Variants in PAPPA observed in about 807,000 individuals in gnomAD.
PAPPA encodes pappalysin-1.
PAPPA carries 60 observed loss-of-function variants against 164.0 expected under a neutral mutation model. The observed-to-expected ratio is 0.37, with a 90% CI of 0.30 to 0.45. PAPPA has a LOEUF of 0.45. Ranked by LOEUF, PAPPA falls within the 20% of genes least tolerant of loss-of-function variation. PAPPA has a pLI of 1.00. For missense variants in PAPPA, 1,782 were observed against 2,087.3 expected, an observed-to-expected ratio of 0.85 and a Z score of 2.85; for synonymous variants, 875 against 814.1, an observed-to-expected ratio of 1.07 and a Z score of -1.27.
intron 7 of PAPPA, 90 bp downstream of exon 7, chr9:116,235,727 G>A: frequency 8.1e-7 from 1 of 1,229,546 alleles, no homozygotes; most frequent in Non-Finnish European, 1.2e-6. Flanking sequence ...CAGGGGGAAG[G>A]TTCATCACAG....
chr9:116,238,043 A>G (rs765042105), intron 7 of PAPPA, among the ~76,000 whole-genome samples: 6 of 152,138 alleles, frequency 3.9e-5, no homozygotes, highest in Non-Finnish European at 8.8e-5. Context: ...TGGATTGCAC[A>G]TTTAAAAACT....
chr9:116,196,459 C>A (rs1301937652), intron 2 of PAPPA, among the ~76,000 whole-genome samples: 1 of 152,220 alleles, frequency 6.6e-6, no homozygotes, highest in African/African-American at 2.4e-5. Context: ...GGTTAGGAAA[C>A]AAAGCCGTTG....
chr9:116,289,386 GTA>G (rs2118863750), intron 9 of PAPPA, among the ~76,000 whole-genome samples: 1 of 47,996 alleles, frequency 2.1e-5, no homozygotes, highest in Non-Finnish European at 4.6e-5. Context: ...TATAGCATAT[GTA>G]TATATAGCTA....
chr9:116,178,081 A>G (rs1180683368), intron 1 of PAPPA, among the ~76,000 whole-genome samples: 1 of 152,184 alleles, frequency 6.6e-6, no homozygotes, highest in East Asian at 1.9e-4. Context: ...CTGAAAAAGA[A>G]GGAAAGATAT....
intron 15 of PAPPA, among the ~76,000 whole-genome samples, chr9:116,349,754 C>A (rs1588015504): frequency 6.6e-6 from 1 of 152,198 alleles, no homozygotes; most frequent in East Asian, 1.9e-4. Flanking sequence ...AACAAGTGAA[C>A]TTACAGGGTC....
chr9:116,344,068 G>A (rs1375319237), intron 13 of PAPPA, among the ~76,000 whole-genome samples: 1 of 152,126 alleles, frequency 6.6e-6, no homozygotes, highest in Non-Finnish European at 1.5e-5. Flanking sequence ...GCCCAGCCCA[G>A]CTACCATTTA....
At chr9:116,354,981 T>C (rs181996056) in intron 17 of PAPPA, among the ~76,000 whole-genome samples, 1 of 152,138 alleles carries the variant, frequency 6.6e-6, no homozygotes, top group Non-Finnish European at 1.5e-5. Flanking sequence ...TGTACCTTTT[T>C]CAGCTGTCTG....
chr9:116,392,581 G>T (rs1030596504), intron 21 of PAPPA, among the ~76,000 whole-genome samples: 1 of 152,192 alleles, frequency 6.6e-6, no homozygotes, highest in South Asian at 2.1e-4. Flanking sequence ...GTCCTTTCCA[G>T]GTTAGACCTA....
At chr9:116,284,491 T>C (rs1335186105) in intron 9 of PAPPA, among the ~76,000 whole-genome samples, 4 of 150,172 alleles carry the variant, frequency 2.7e-5, no homozygotes, top group Non-Finnish European at 4.4e-5. Flanking sequence ...GGCACACTTC[T>C]CATTCTCCAT....
At chr9:116,378,890 G>A (rs2118689624) in intron 20 of PAPPA, among the ~76,000 whole-genome samples, 1 of 152,260 alleles carries the variant, frequency 6.6e-6, no homozygotes, top group Non-Finnish European at 1.5e-5. Flanking sequence ...TCTCTGCATT[G>A]TTGAGGGATT....
rs1845476742 is a variant in PAPPA, at chr9:116,294,489, G to T, written c.2954-8268G>T. ...AGAATTAAATGAGGTCAGCAATGTG[G>T]GTTTGACACGAAGCCTTTGAAAGAT... On this transcript the variant is annotated intron_variant, in intron 9 of 21. Transcript: ENST00000328252. Among the ~76,000 whole-genome samples the T allele has an allele frequency of 2.0e-5, 3 of 152,140 alleles. No homozygotes were observed. In the East Asian group the frequency reaches 5.8e-4, roughly 29 times the overall value.
intron 10 of PAPPA, among the ~76,000 whole-genome samples, chr9:116,321,409 C>T (rs1845854690): frequency 6.6e-6 from 1 of 152,184 alleles, no homozygotes; most frequent in African/African-American, 2.4e-5. Context: ...TTCTTCCCCT[C>T]AGTGAGCTAA....
chr9:116,272,587 TA>T (rs1845150327), intron 9 of PAPPA, among the ~76,000 whole-genome samples: 1 of 152,198 alleles, frequency 6.6e-6, no homozygotes. Flanking sequence ...TGGCACCCAG[TA>T]GGGGTTGAGC....
intron 7 of PAPPA, among the ~76,000 whole-genome samples, chr9:116,241,220 A>G (rs1844731738): frequency 6.6e-6 from 1 of 152,210 alleles, no homozygotes. Context: ...TTGACTTCCA[A>G]CATGAGCTTA....
At chr9:116,288,789 A>T (rs1392583887) in intron 9 of PAPPA, 1 of 151,978 alleles carries the variant, frequency 6.6e-6, no homozygotes, top group Non-Finnish European at 1.5e-5. Context: ...TTTTAGACTT[A>T]TCGAAACCAT....
At chr9:116,357,464 A>T (rs1326693070) in intron 17 of PAPPA, among the ~76,000 whole-genome samples, 4 of 152,214 alleles carry the variant, frequency 2.6e-5, no homozygotes, top group Non-Finnish European at 5.9e-5. Flanking sequence ...AGCTCACAAC[A>T]TACAGCTGGA....
intron 2 of PAPPA, among the ~76,000 whole-genome samples, chr9:116,200,307 A>G (rs995474618): frequency 6.6e-6 from 1 of 152,174 alleles, no homozygotes; most frequent in South Asian, 2.1e-4. Flanking sequence ...GCTGGGTGTC[A>G]TTGCTGTATG....
At chr9:116,357,616 C>T (rs1266588567) in intron 17 of PAPPA, among the ~76,000 whole-genome samples, 1 of 152,210 alleles carries the variant, frequency 6.6e-6, no homozygotes, top group Admixed American at 6.5e-5. Flanking sequence ...ATCTTCAGGC[C>T]AGACCAGTAG....
intron 1 of PAPPA, among the ~76,000 whole-genome samples, chr9:116,185,130 G>A (rs1196768130): frequency 6.6e-6 from 1 of 152,172 alleles, no homozygotes; most frequent in Non-Finnish European, 1.5e-5. Flanking sequence ...AAGAAAATCA[G>A]ACTTGGACCT....
Sources: allele counts gnomAD v4.1 joint callset (sites outside exome capture counted in the v4.1 genomes callset), GRCh38; gene constraint gnomAD v4.1.1; transcripts MANE v1.5; gene names NCBI Gene and HGNC (gene_info 2026-07-23, HGNC 2026-07-21).